AGBL4: variants seen among roughly 807,000 people sequenced by gnomAD.
AGBL4 encodes the protein cytosolic carboxypeptidase 6.
A neutral mutation model predicts 66.4 loss-of-function variants in AGBL4; 58 were observed. The observed-to-expected ratio is 0.87, with a 90% CI of 0.71 to 1.09. The LOEUF is 1.09. Among genes scored for constraint, AGBL4 ranks in the 50% least tolerant of loss-of-function variants. The pLI, the probability that AGBL4 is intolerant of heterozygous loss-of-function variation, is 0.00. For missense variants in AGBL4, 579 were observed against 631.0 expected, an observed-to-expected ratio of 0.92 and a Z score of 0.88; for synonymous variants, 234 against 222.9, an observed-to-expected ratio of 1.05 and a Z score of -0.44.
intron 6 of AGBL4, among the ~76,000 whole-genome samples, chr1:48,764,757 G>A (rs1452858797): frequency 1.3e-5 from 2 of 152,196 alleles, no homozygotes; most frequent in Non-Finnish European, 2.9e-5. Flanking sequence ...TAGAAATGGA[G>A]ATACAATATC....
chr1:49,595,651 T>C (rs1374526055), intron 3 of AGBL4, among the ~76,000 whole-genome samples: 2 of 152,012 alleles, frequency 1.3e-5, no homozygotes, highest in African/African-American at 4.8e-5. Flanking sequence ...ATGTGATTGA[T>C]GACATTTTTA....
intron 5 of AGBL4, among the ~76,000 whole-genome samples, chr1:48,984,635 A>G (rs143611265): frequency 2.6e-5 from 4 of 151,164 alleles, no homozygotes; most frequent in African/African-American, 9.7e-5. Context: ...GTTTAACCTA[A>G]TATTTTCCAA....
At chr1:48,856,885 T>C (rs564029313) in intron 6 of AGBL4, among the ~76,000 whole-genome samples, 1 of 152,156 alleles carries the variant, frequency 6.6e-6, no homozygotes, top group Non-Finnish European at 1.5e-5. Context: ...TAGGCTTTCT[T>C]TATGCCTAGA....
intron 6 of AGBL4, among the ~76,000 whole-genome samples, chr1:48,764,313 G>A (rs7529802): frequency 0.88 from 133,588 of 152,224 alleles, 58,961 homozygotes; most frequent in Non-Finnish European, 0.93. Flanking sequence ...GAATTGAAGT[G>A]AATAATTCCT....
chr1:49,435,033 T>C (rs547832151), intron 3 of AGBL4, among the ~76,000 whole-genome samples: 197 of 152,268 alleles, frequency 1.3e-3, no homozygotes, highest in African/African-American at 4.5e-3. Flanking sequence ...CCTTCAGCCT[T>C]CTTTTTATAT....
At chr1:49,536,654 T>C (rs1275178362) in intron 3 of AGBL4, among the ~76,000 whole-genome samples, 2 of 152,144 alleles carry the variant, frequency 1.3e-5, no homozygotes, top group Middle Eastern at 3.2e-3. Context: ...CTTCAAATTA[T>C]ATTACAAGGC....
At chr1:48,815,669 G>T (rs887575672) in intron 6 of AGBL4, among the ~76,000 whole-genome samples, 4 of 152,098 alleles carry the variant, frequency 2.6e-5, no homozygotes, top group African/African-American at 9.7e-5. Flanking sequence ...AGAGCACCTG[G>T]CACACAGTAG....
chr1:49,178,456 C>G (rs570030806), intron 4 of AGBL4, among the ~76,000 whole-genome samples: 21 of 152,226 alleles, frequency 1.4e-4, no homozygotes, highest in African/African-American at 5.1e-4. Flanking sequence ...TTCCATTACC[C>G]CTTGCACAGA....
At chr1:49,503,260 A>G (rs112840261) in intron 3 of AGBL4, among the ~76,000 whole-genome samples, 84 of 152,274 alleles carry the variant, frequency 5.5e-4, no homozygotes, top group Non-Finnish European at 9.6e-4. Context: ...ACAGAATACA[A>G]GAACTGAGGT....
rs146678820 is a variant in AGBL4 at position 48,907,610 on chromosome 1, C to A, written c.595-40380G>T. Among the ~76,000 whole-genome samples the A allele has an allele frequency of 2.2e-4, 34 of 152,284 alleles. No homozygotes were observed. The East Asian group carries it at 6.6e-3, about 29-fold the overall frequency. ...ATTCATCATTCCATAGCCTGGAGGT[C>A]CTCACCCTGAAATGATTCACATCTG... On this transcript the variant is annotated intron_variant, in intron 5 of 13. Transcript: ENST00000371839.
chr1:49,936,604 A>T lies in AGBL4; in HGVS notation c.35-85086T>A, dbSNP rs896633848. On this transcript the variant is annotated intron_variant, in intron 1 of 13. Transcript: ENST00000371839. ...GCCAGAGAGAAAGGTCGGGTTACCC[A>T]CAAAGGGAAGCCCATCAGACTAACA... 2.8e-4 allele frequency among the ~76,000 whole-genome samples: 42 copies of T among 152,340 alleles called. 1 individual carries two copies. The highest frequency in any genetic ancestry group is 9.1e-4 in the African/African-American group (38 of 41,584).
intron 6 of AGBL4, among the ~76,000 whole-genome samples, chr1:48,861,995 A>G (rs10788899): frequency 0.89 from 134,937 of 151,858 alleles, 60,531 homozygotes; most frequent in Non-Finnish European, 0.96. Flanking sequence ...ATATTTTACC[A>G]CCCCTTCACC....
intron 1 of AGBL4, among the ~76,000 whole-genome samples, chr1:49,940,020 C>T (rs574465008): frequency 6.6e-6 from 1 of 152,232 alleles, no homozygotes; most frequent in Non-Finnish European, 1.5e-5. Flanking sequence ...AAACAAACAA[C>T]CCCATCAAAA....
intron 9 of AGBL4, among the ~76,000 whole-genome samples, chr1:48,604,095 C>A (rs11205514): frequency 6.6e-6 from 1 of 151,914 alleles, no homozygotes. Context: ...TTGGCACCAC[C>A]GCACTACAGC....
chr1:49,881,964 T>C (rs999482601), intron 1 of AGBL4, among the ~76,000 whole-genome samples: 53 of 152,238 alleles, frequency 3.5e-4, no homozygotes, highest in Admixed American at 9.2e-4. Flanking sequence ...TCCTTGCCTG[T>C]GCCTATGTCC....
chr1:48,841,400 ACCCCC>A (rs35019022), intron 6 of AGBL4, among the ~76,000 whole-genome samples: 1 of 103,428 alleles, frequency 9.7e-6, no homozygotes. Context: ...TTACTACAAA[ACCCCC>A]CCCCCCCAAA....
chr1:48,544,611 A>G (rs1387357152), intron 11 of AGBL4, among the ~76,000 whole-genome samples: 1 of 152,194 alleles, frequency 6.6e-6, no homozygotes, highest in African/African-American at 2.4e-5. Context: ...GAAGTGAAAC[A>G]GTGGGATTTC....
At chr1:48,591,834 C>A (rs531226603) in intron 9 of AGBL4, among the ~76,000 whole-genome samples, 3 of 152,262 alleles carry the variant, frequency 2.0e-5, no homozygotes, top group Admixed American at 2.0e-4. Flanking sequence ...AAGGCACTTT[C>A]TTGGTTCTTA....
At chr1:48,600,772 C>T (rs1404980413) in intron 9 of AGBL4, among the ~76,000 whole-genome samples, 1 of 152,146 alleles carries the variant, frequency 6.6e-6, no homozygotes, top group African/African-American at 2.4e-5. Flanking sequence ...GAGACTAATG[C>T]TTAGGTGTGG....
Sources: allele counts gnomAD v4.1 joint callset (sites outside exome capture counted in the v4.1 genomes callset), GRCh38; gene constraint gnomAD v4.1.1; transcripts MANE v1.5; gene names NCBI Gene and HGNC (gene_info 2026-07-23, HGNC 2026-07-21).